The following BBX variants were observed in gnomAD, a reference collection of about 807,000 sequenced individuals.
BBX encodes the protein HMG box transcription factor BBX.
Under a neutral mutation model 100.2 loss-of-function variants are expected in BBX, and 30 were observed. That is an observed-to-expected ratio of 0.30 (90% CI 0.22 to 0.41). BBX has a LOEUF of 0.41. BBX is among the 10% of genes least tolerant of loss of function. The pLI, the probability that BBX is intolerant of heterozygous loss-of-function variation, is 1.00. For synonymous variants in BBX, 376 were observed against 388.1 expected (o/e 0.97, Z 0.37); for missense variants, 1,023 against 1,129.8 (o/e 0.91, Z 1.35).
At position 107,734,195 on chromosome 3, in the gene BBX, A is replaced by AG. The variant is rs553796619; in HGVS notation, c.669+1174dup. Among the ~76,000 whole-genome samples the AG allele has an allele frequency of 7.0e-4, 106 of 151,926 alleles. 2 individuals are homozygous for AG. The highest frequency in any genetic ancestry group is 6.9e-3 in the Admixed American group (106 of 15,272). On this transcript the variant is annotated intron_variant, in intron 7 of 17. Transcript: ENST00000325805. ...GATAATAACCTATTTACATTATAAA[A>AG]GGTTTTTATTTTTTATAGTTTACAT...
intron 2 of BBX, among the ~76,000 whole-genome samples, chr3:107,548,597 T>C (rs1161650792): frequency 2.6e-5 from 4 of 152,174 alleles, no homozygotes; most frequent in Non-Finnish European, 5.9e-5. Flanking sequence ...CTCAAAGAAC[T>C]TAAAATAGGA....
At chr3:107,685,373 A>G (rs112106335) in intron 3 of BBX, among the ~76,000 whole-genome samples, 95 of 152,222 alleles carry the variant, frequency 6.2e-4, no homozygotes, top group Non-Finnish European at 1.9e-4. Flanking sequence ...TTGGGGCCAC[A>G]TTAGGCTATT....
At chr3:107,635,861 G>A (rs1215733908) in intron 2 of BBX, among the ~76,000 whole-genome samples, 2 of 151,928 alleles carry the variant, frequency 1.3e-5, no homozygotes, top group African/African-American at 4.8e-5. Context: ...ACAGGCGCCT[G>A]CCACTACGCC....
chr3:107,801,153 C>T lies in BBX; in HGVS notation c.2610C>T (p.Cys870=), dbSNP rs2070417154. Reference sequence around the variant, plus strand: ...TCCCTAAAGCAACTGAGACAGACTGCAATGACAAATGCTCACACAACACCG... The same window carrying T: ...TCCCTAAAGCAACTGAGACAGACTGTAATGACAAATGCTCACACAACACCG... The part of the protein sequence containing the change: ...RSLPKATETD[C]NDKCSHNTEV... Residue 870 remains cysteine (C), a synonymous_variant, in exon 17 of 18, where the codon TGC becomes TGT. Coordinates refer to ENST00000325805, the MANE Select transcript of BBX (RefSeq NM_001142568.3). 2 of 1,614,200 alleles carry T rather than the reference C, an allele frequency of 1.2e-6. No individual in the cohort carries two copies. Among genetic ancestry groups the T allele is most frequent in the Non-Finnish European group, 1.7e-6 (2 of 1,180,038 alleles).
At chr3:107,640,212 C>T (rs1372662051) in intron 2 of BBX, among the ~76,000 whole-genome samples, 2 of 152,108 alleles carry the variant, frequency 1.3e-5, no homozygotes, top group African/African-American at 2.4e-5. Context: ...AGTATACCAC[C>T]ATGCTGCTAA....
chr3:107,787,003 T>TA lies in BBX; in HGVS notation c.2204-2783dup, dbSNP rs371228528. Among the ~76,000 whole-genome samples the TA allele has an allele frequency of 6.2e-3, 948 of 152,262 alleles. 9 individuals are homozygous for TA. Among genetic ancestry groups the TA allele is most frequent in the African/African-American group, 0.022 (894 of 41,560 alleles). On this transcript the variant is annotated intron_variant, in intron 13 of 17. Coordinates refer to ENST00000325805, the MANE Select transcript of BBX (RefSeq NM_001142568.3). Reference sequence around the variant, plus strand: ...TGAATAGATACTTCTCCGAATAAGATATATAACAAATACGTGGCCGATAAG... The same window carrying TA: ...TGAATAGATACTTCTCCGAATAAGATAATATAACAAATACGTGGCCGATAAG...
intron 1 of BBX, 111 bp downstream of exon 1, chr3:107,523,218 AGCGGCGGCGGCGGCGGCGGCG>A (rs3833481): frequency 4.7e-6 from 1 of 212,396 alleles, no homozygotes; most frequent in Non-Finnish European, 9.6e-6. Flanking sequence ...CGGCAGGAGC[AGCGGCGGCGGCGGCGGCGGCG>A]GCGGCGGCAG....
chr3:107,640,294 T>A (rs2057110351), intron 2 of BBX, among the ~76,000 whole-genome samples: 1 of 152,172 alleles, frequency 6.6e-6, no homozygotes, highest in Non-Finnish European at 1.5e-5. Flanking sequence ...TTTGCCCACA[T>A]TTCATGTCCT....
intron 2 of BBX, among the ~76,000 whole-genome samples, chr3:107,588,325 A>G (rs1324486612): frequency 7.0e-6 from 1 of 143,090 alleles, no homozygotes; most frequent in Non-Finnish European, 1.5e-5. Context: ...GAACAACATG[A>G]TCACAAAGTA....
intron 16 of BBX, 128 bp from the exon 17 acceptor site, chr3:107,800,967 G>A (rs558771406): frequency 1.7e-5 from 15 of 887,794 alleles, no homozygotes; most frequent in South Asian, 1.5e-4. Context: ...CTTAATATTC[G>A]ATGGATAGCA....
At chr3:107,687,599 C>G (rs1030185720) in intron 3 of BBX, among the ~76,000 whole-genome samples, 3 of 152,072 alleles carry the variant, frequency 2.0e-5, no homozygotes, top group Non-Finnish European at 4.4e-5. Flanking sequence ...TCATCAGTTG[C>G]TAATTTTGTC....
At chr3:107,687,108 C>T (rs1408639825) in intron 3 of BBX, among the ~76,000 whole-genome samples, 2 of 151,942 alleles carry the variant, frequency 1.3e-5, no homozygotes, top group African/African-American at 4.8e-5. Flanking sequence ...TTCCTTAGTA[C>T]AGAATTCTAA....
rs2071136180 is a variant in BBX at position 107,807,818 on chromosome 3, G to A, written c.*2361G>A. 6.6e-6 allele frequency: 1 copy of A among 152,126 alleles called. No individual in the cohort carries two copies. The highest frequency in any genetic ancestry group is 1.5e-5 in the Non-Finnish European group (1 of 68,020). The allele number at this position is 152,126 out of a possible 1,614,324, so 9.4% of individuals were successfully genotyped here. ...TGGCTTTTCCCTTAGGCAGGGTTGGGGGTGGGAGGGCAACTTACTGGAGAT... is the reference window on the plus strand; with the variant it reads ...TGGCTTTTCCCTTAGGCAGGGTTGGAGGTGGGAGGGCAACTTACTGGAGAT... On this transcript the variant is annotated 3_prime_UTR_variant, in exon 18 of 18. Transcript: ENST00000325805.
Position 107,798,606 on chromosome 3 carries a change from A to G in BBX, c.2437A>G (p.Thr813Ala), listed in dbSNP as rs1221710532. 6.2e-7 allele frequency: 1 copy of G among 1,614,040 alleles called. No homozygotes were observed. Among genetic ancestry groups the G allele is most frequent in the Non-Finnish European group, 8.5e-7 (1 of 1,180,000 alleles). Residue 813 changes from threonine (T) to alanine (A), a missense_variant, in exon 16 of 18, where the codon ACA becomes GCA. This residue lies in a region of BBX where 215 missense variants were observed against 211.3 expected (regional missense o/e 1.02). Transcript: ENST00000325805. ...IPSIFNTPEP[T>A]TTQEPLVGSQ... ...ATCCATTTTCAACACTCCAGAGCCAACAACAACGCAAGAACCTTTGGTGGG... is the reference window on the plus strand; with the variant it reads ...ATCCATTTTCAACACTCCAGAGCCAGCAACAACGCAAGAACCTTTGGTGGG...
chr3:107,608,568 A>T (rs528181068), intron 2 of BBX, among the ~76,000 whole-genome samples: 2 of 152,212 alleles, frequency 1.3e-5, no homozygotes, highest in South Asian at 4.1e-4. Context: ...GTTGTGTATA[A>T]ATTTTAGGAA....
At chr3:107,732,057 A>G (rs552409936) in intron 6 of BBX, among the ~76,000 whole-genome samples, 2 of 151,976 alleles carry the variant, frequency 1.3e-5, no homozygotes, top group African/African-American at 2.4e-5. Flanking sequence ...CTATTTGTTC[A>G]TTTAATTTTT....
At chr3:107,567,891 C>T (rs879528580) in intron 2 of BBX, among the ~76,000 whole-genome samples, 8 of 151,964 alleles carry the variant, frequency 5.3e-5, no homozygotes, top group Non-Finnish European at 1.0e-4. Context: ...TATTAACATG[C>T]GTATTTAAAC....
chr3:107,709,544 T>C (rs2061590455), intron 3 of BBX, among the ~76,000 whole-genome samples: 1 of 152,242 alleles, frequency 6.6e-6, no homozygotes. Flanking sequence ...ACCAATGGCA[T>C]TTAATTGTAT....
At chr3:107,797,337 A>ATATATAT (rs2069789795) in intron 15 of BBX, among the ~76,000 whole-genome samples, 4 of 39,346 alleles carry the variant, frequency 1.0e-4, no homozygotes, top group Admixed American at 7.0e-4. Context: ...TTTTCTTCCA[A>ATATATAT]ATATATATAT....
Sources: allele counts gnomAD v4.1 joint callset (sites outside exome capture counted in the v4.1 genomes callset), GRCh38; gene constraint gnomAD v4.1.1; regional missense constraint gnomAD v4.1.1; transcripts MANE v1.5; gene names NCBI Gene and HGNC (gene_info 2026-07-23, HGNC 2026-07-21).